OSBPL8: variants seen among roughly 807,000 people sequenced by gnomAD.
The protein encoded by OSBPL8 is oxysterol binding protein like 8.
In OSBPL8, 59 loss-of-function variants were observed where a neutral mutation model predicts 125.5. The observed-to-expected ratio is 0.47, with a 90% CI of 0.38 to 0.58. The LOEUF (loss-of-function observed/expected upper bound fraction) is 0.58. Among genes scored for constraint, OSBPL8 ranks in the 20% least tolerant of loss-of-function variants. The pLI, the probability that OSBPL8 is intolerant of heterozygous loss-of-function variation, is 0.00. For synonymous variants in OSBPL8, 330 were observed against 338.9 expected, an observed-to-expected ratio of 0.97 and a Z score of 0.29; for missense variants, 758 against 1,047.8, an observed-to-expected ratio of 0.72 and a Z score of 3.82.
At chr12:76,510,025 C>T (rs1385793041) in intron 1 of OSBPL8, among the ~76,000 whole-genome samples, 1 of 152,192 alleles carries the variant, frequency 6.6e-6, no homozygotes, top group Non-Finnish European at 1.5e-5. Flanking sequence ...TTCTCATAGA[C>T]ATTAAATACA....
intron 1 of OSBPL8, among the ~76,000 whole-genome samples, chr12:76,504,256 C>T (rs917300095): frequency 4.6e-5 from 7 of 152,044 alleles, no homozygotes; most frequent in Admixed American, 6.6e-5. Flanking sequence ...TGTGTCCCCA[C>T]ATACTGTTGG....
chr12:76,454,313 T>C (rs1461909814), intron 3 of OSBPL8, among the ~76,000 whole-genome samples: 1 of 152,144 alleles, frequency 6.6e-6, no homozygotes, highest in Non-Finnish European at 1.5e-5. Context: ...TTCTGGCATA[T>C]CCATATAATG....
chr12:76,411,418 G>T (rs1350811003), intron 4 of OSBPL8, among the ~76,000 whole-genome samples: 2 of 151,882 alleles, frequency 1.3e-5, no homozygotes, highest in African/African-American at 4.8e-5. Flanking sequence ...ATAATTATTT[G>T]TTCAGAGTCC....
chr12:76,404,890 C>T (rs1385522234), intron 5 of OSBPL8, among the ~76,000 whole-genome samples: 1 of 152,130 alleles, frequency 6.6e-6, no homozygotes, highest in Non-Finnish European at 1.5e-5. Context: ...CCCTAACTTG[C>T]ATGTTGTTCG....
At chr12:76,448,087 C>T (rs1038944178) in intron 4 of OSBPL8, among the ~76,000 whole-genome samples, 1 of 152,126 alleles carries the variant, frequency 6.6e-6, no homozygotes, top group African/African-American at 2.4e-5. Context: ...TTTATGGTTA[C>T]ATAAGAAAAT....
intron 14 of OSBPL8, among the ~76,000 whole-genome samples, chr12:76,385,761 G>A (rs979969934): frequency 1.1e-4 from 17 of 152,026 alleles, no homozygotes; most frequent in African/African-American, 4.1e-4. Flanking sequence ...TGACTACTGT[G>A]GAGAACTAGA....
chr12:76,528,038 G>GA (rs1179074790), intron 1 of OSBPL8, among the ~76,000 whole-genome samples: 1 of 151,888 alleles, frequency 6.6e-6, no homozygotes, highest in African/African-American at 2.4e-5. Flanking sequence ...AAGCATTATT[G>GA]TTGGCCAGGC....
rs544225401 is a variant in OSBPL8 at position 76,402,778 on chromosome 12, C to A, written c.289-12G>T. 126 of 1,536,020 alleles carry A rather than the reference C, an allele frequency of 8.2e-5. 1 individual carries two copies. The South Asian group carries it at 1.4e-3, about 16-fold the overall frequency. On this transcript the variant is annotated splice_polypyrimidine_tract_variant and intron_variant, in intron 5 of 23. Transcript: ENST00000261183. Reference sequence around the variant, plus strand: ...AGTTTAGATTCAGACTGAAATCATACAGAAACAAGAGAAATTAAATCCTTC... The same window carrying A: ...AGTTTAGATTCAGACTGAAATCATAAAGAAACAAGAGAAATTAAATCCTTC...
Position 76,390,416 on chromosome 12 carries a change from T to C in OSBPL8, c.1167+4A>G. ...CAGAACCTCTAAAAATAGCAGACTT[T>C]TACCTCTCCAAGTTCTTCATGGCTC... On this transcript the variant is annotated splice_donor_region_variant and intron_variant, in intron 11 of 23. Coordinates refer to ENST00000261183, the MANE Select transcript of OSBPL8 (RefSeq NM_020841.5). 6.3e-7 allele frequency: 1 copy of C among 1,590,436 alleles called. No homozygotes were observed. Among genetic ancestry groups the C allele is most frequent in the Non-Finnish European group, 8.6e-7 (1 of 1,163,770 alleles).
In OSBPL8 at chr12:76,399,825, G is replaced by C. The variant is rs767899929; in HGVS notation, c.468+48C>G. 4.8e-6 allele frequency: 7 copies of C among 1,459,604 alleles called. No homozygotes were observed. The East Asian group carries it at 1.6e-4, about 34-fold the overall frequency. The allele number at this position is 1,459,604 out of a possible 1,614,324, so 90.4% of individuals were successfully genotyped here. Reference sequence around the variant, plus strand: ...GTATACTCCAGGCTTTTCCATTCCAGTAGGTAAACATCCAGCAATCTGAAT... The same window carrying C: ...GTATACTCCAGGCTTTTCCATTCCACTAGGTAAACATCCAGCAATCTGAAT... On this transcript the variant is annotated intron_variant, in intron 7 of 23. Transcript: ENST00000261183.
chr12:76,439,119 G>T (rs551042517), intron 4 of OSBPL8, among the ~76,000 whole-genome samples: 9 of 152,176 alleles, frequency 5.9e-5, no homozygotes, highest in African/African-American at 2.2e-4. Flanking sequence ...GGTGGCTCAC[G>T]CCTGTAATCC....
chr12:76,536,500 A>ATC (rs1950501945), intron 1 of OSBPL8, among the ~76,000 whole-genome samples: 1 of 152,198 alleles, frequency 6.6e-6, no homozygotes, highest in South Asian at 2.1e-4. Flanking sequence ...TGTACTACTT[A>ATC]ACACTATGTA....
chr12:76,402,608 A>G (rs946696543), intron 6 of OSBPL8, 81 bp downstream of exon 6: 20 of 965,638 alleles, frequency 2.1e-5, no homozygotes, highest in Non-Finnish European at 3.2e-5. Flanking sequence ...ACACACATAT[A>G]TATTTATCCT....
At chr12:76,435,763 A>G (rs924014366) in intron 4 of OSBPL8, among the ~76,000 whole-genome samples, 1 of 152,174 alleles carries the variant, frequency 6.6e-6, no homozygotes, top group Non-Finnish European at 1.5e-5. Flanking sequence ...ATGATGGTAA[A>G]GAAAGGAGAG....
intron 4 of OSBPL8, among the ~76,000 whole-genome samples, chr12:76,410,849 T>C (rs1954484559): frequency 6.6e-6 from 1 of 152,148 alleles, no homozygotes; most frequent in Non-Finnish European, 1.5e-5. Flanking sequence ...CCCACCAACA[T>C]CGTGAAATAT....
At chr12:76,473,517 C>A (rs1565925902) in intron 2 of OSBPL8, among the ~76,000 whole-genome samples, 2 of 152,144 alleles carry the variant, frequency 1.3e-5, no homozygotes, top group Admixed American at 1.3e-4. Flanking sequence ...TTAAAAGGTA[C>A]TAATATACGC....
At chr12:76,423,206 C>G (rs1869722009) in intron 4 of OSBPL8, 1 of 152,222 alleles carries the variant, frequency 6.6e-6, no homozygotes, top group Non-Finnish European at 1.5e-5. Context: ...TTGCCTCAGC[C>G]ATGATTAAAC....
chr12:76,389,960 A>C, intron 11 of OSBPL8, 131 bp from the exon 12 acceptor site: 2 of 638,042 alleles, frequency 3.1e-6, no homozygotes, highest in Non-Finnish European at 2.3e-6. Context: ...TGGAAACAAA[A>C]AATAATAATA....
chr12:76,495,666 C>G (rs902406436), intron 1 of OSBPL8, among the ~76,000 whole-genome samples: 12 of 151,336 alleles, frequency 7.9e-5, no homozygotes, highest in African/African-American at 3.0e-4. Flanking sequence ...CACAGTTAAA[C>G]AAGAAGAAAA....
Sources: gnomAD v4.1 joint callset for allele counts (sites outside exome capture counted in the v4.1 genomes callset) on GRCh38, gnomAD v4.1.1 for gene constraint, MANE v1.5 for transcripts, NCBI Gene and HGNC (gene_info 2026-07-23, HGNC 2026-07-21) for gene names.